The following LSAMP variants were observed in gnomAD, a reference collection of about 807,000 sequenced individuals.
LSAMP encodes limbic system-associated membrane protein.
LSAMP carries 7 observed loss-of-function variants against 38.6 expected under a neutral mutation model. The ratio of observed to expected loss-of-function variants is 0.18; its 90% CI spans 0.10 to 0.34. The LOEUF (loss-of-function observed/expected upper bound fraction) is 0.34. Ranked by LOEUF, LSAMP falls within the 10% of genes least tolerant of loss-of-function variation. The probability of loss-of-function intolerance (pLI) is 1.00; values close to 1 mark genes in which losing one functional copy is unlikely to be tolerated. For missense variants in LSAMP, 313 were observed against 420.0 expected (o/e 0.75, Z 2.23); for synonymous variants, 154 against 166.8 (o/e 0.92, Z 0.59).
At chr3:115,949,940 A>C (rs1469649835) in intron 3 of LSAMP, among the ~76,000 whole-genome samples, 1 of 152,206 alleles carries the variant, frequency 6.6e-6, no homozygotes, top group Non-Finnish European at 1.5e-5. Flanking sequence ...AACATATGCA[A>C]GTCAATAAAT....
At chr3:115,934,971 A>C (rs1472800910) in intron 3 of LSAMP, among the ~76,000 whole-genome samples, 1 of 152,178 alleles carries the variant, frequency 6.6e-6, no homozygotes. Flanking sequence ...AAAAAGTTTC[A>C]AAATTGAGTA....
chr3:116,098,891 T>C (rs1482964797), intron 1 of LSAMP, among the ~76,000 whole-genome samples: 1 of 152,162 alleles, frequency 6.6e-6, no homozygotes, highest in Non-Finnish European at 1.5e-5. Flanking sequence ...AGCTGATGAG[T>C]TTGAAATGAA....
chr3:115,835,728 C>A (rs939345113), intron 6 of LSAMP, among the ~76,000 whole-genome samples: 3 of 152,184 alleles, frequency 2.0e-5, no homozygotes, highest in Non-Finnish European at 2.9e-5. Flanking sequence ...TACATCTGGA[C>A]ACTGAGAAAA....
chr3:115,993,490 T>C (rs1939730073), intron 3 of LSAMP, among the ~76,000 whole-genome samples: 1 of 152,136 alleles, frequency 6.6e-6, no homozygotes, highest in Admixed American at 6.6e-5. Flanking sequence ...AATGATTATG[T>C]AAACTAAATT....
intron 3 of LSAMP, among the ~76,000 whole-genome samples, chr3:115,875,887 GA>G (rs1317474680): frequency 6.6e-6 from 1 of 152,018 alleles, no homozygotes; most frequent in African/African-American, 2.4e-5. Context: ...TTTTTCTACT[GA>G]AATTTAGAAA....
At chr3:116,117,303 C>T (rs1367808347) in intron 1 of LSAMP, among the ~76,000 whole-genome samples, 2 of 152,112 alleles carry the variant, frequency 1.3e-5, no homozygotes, top group Non-Finnish European at 2.9e-5. Context: ...TCATGTCTGT[C>T]ATTCCCCCCC....
intron 5 of LSAMP, among the ~76,000 whole-genome samples, chr3:115,842,223 A>C (rs1935019978): frequency 6.6e-6 from 1 of 152,244 alleles, no homozygotes. Context: ...GGCAAGAAAG[A>C]CATGCAGGTG....
intron 1 of LSAMP, among the ~76,000 whole-genome samples, chr3:116,242,500 T>C (rs1277845727): frequency 6.6e-6 from 1 of 152,192 alleles, no homozygotes; most frequent in Non-Finnish European, 1.5e-5. Flanking sequence ...TGGTGTCAGC[T>C]TCATTTCTTT....
At chr3:116,356,712 C>T (rs993158032) in intron 1 of LSAMP, among the ~76,000 whole-genome samples, 2 of 152,312 alleles carry the variant, frequency 1.3e-5, no homozygotes. Context: ...TTAATATATA[C>T]ACCTACTATG....
intron 1 of LSAMP, among the ~76,000 whole-genome samples, chr3:116,249,269 A>G (rs1056028926): frequency 6.6e-6 from 1 of 152,120 alleles, no homozygotes; most frequent in Admixed American, 6.5e-5. Flanking sequence ...TTAACAGCAC[A>G]TGTGAACTCT....
At chr3:116,008,374 A>G (rs1428708119) in intron 3 of LSAMP, among the ~76,000 whole-genome samples, 1 of 151,994 alleles carries the variant, frequency 6.6e-6, no homozygotes, top group Non-Finnish European at 1.5e-5. Context: ...TCAATTCTTT[A>G]CATTTGTAGA....
intron 1 of LSAMP, among the ~76,000 whole-genome samples, chr3:116,383,623 A>G (rs1289547882): frequency 6.6e-6 from 1 of 152,138 alleles, no homozygotes; most frequent in African/African-American, 2.4e-5. Flanking sequence ...AAAAGACAAA[A>G]CATGGAGCTT....
At chr3:116,030,316 G>T (rs1325362422) in intron 2 of LSAMP, among the ~76,000 whole-genome samples, 3 of 152,122 alleles carry the variant, frequency 2.0e-5, no homozygotes, top group Non-Finnish European at 4.4e-5. Context: ...TCTGTGTGAT[G>T]TCAAGTGGCT....
chr3:116,310,174 G>A (rs573500740), intron 1 of LSAMP, among the ~76,000 whole-genome samples: 6 of 141,084 alleles, frequency 4.3e-5, no homozygotes, highest in South Asian at 2.1e-4. Context: ...GGGAACAGAC[G>A]TTCCTTCTTT....
intron 6 of LSAMP, among the ~76,000 whole-genome samples, chr3:115,830,821 T>G (rs1934584185): frequency 6.6e-6 from 1 of 152,176 alleles, no homozygotes. Context: ...GAATTTGATT[T>G]CAAGAATGTA....
chr3:116,076,065 T>A (rs1707735330), intron 2 of LSAMP, among the ~76,000 whole-genome samples: 1 of 152,194 alleles, frequency 6.6e-6, no homozygotes, highest in Admixed American at 6.5e-5. Flanking sequence ...TTTTAAAAAA[T>A]TAATTCATTC....
At chr3:116,299,982 A>ACTGT (rs1304945578) in intron 1 of LSAMP, among the ~76,000 whole-genome samples, 2 of 152,162 alleles carry the variant, frequency 1.3e-5, no homozygotes, top group African/African-American at 4.8e-5. Context: ...GCCTAGGGAA[A>ACTGT]CTGTCTCTAA....
At chr3:116,167,621 GA>G (rs1280815485) in intron 1 of LSAMP, among the ~76,000 whole-genome samples, 5 of 151,900 alleles carry the variant, frequency 3.3e-5, no homozygotes, top group Non-Finnish European at 7.4e-5. Context: ...TCCATCTATT[GA>G]ATTCTTGTCA....
rs60804354 is a variant in LSAMP, at chr3:116,208,636, G to T, written c.156-122080C>A. On this transcript the variant is annotated intron_variant, in intron 1 of 6. Coordinates refer to ENST00000490035, the MANE Select transcript of LSAMP (RefSeq NM_002338.5). ...CTTCTAACGGACAGGACCCTCAGCT[G>T]CAGGTCTGTTGGAATACCCTGCCGT... Among the ~76,000 whole-genome samples the T allele has an allele frequency of 1.7e-3, 254 of 152,266 alleles. 2 individuals carry two copies. Among genetic ancestry groups the T allele is most frequent in the African/African-American group, 5.9e-3 (244 of 41,538 alleles).
Sources: allele counts gnomAD v4.1 joint callset (sites outside exome capture counted in the v4.1 genomes callset), GRCh38; gene constraint gnomAD v4.1.1; transcripts MANE v1.5; gene names NCBI Gene and HGNC (gene_info 2026-07-23, HGNC 2026-07-21).